Variants in CD22 observed in about 807,000 individuals in gnomAD.
The protein encoded by CD22 is B-cell receptor CD22.
In CD22, 51 loss-of-function variants were observed where a neutral mutation model predicts 94.7. The observed-to-expected ratio is 0.54, with a 90% CI of 0.43 to 0.68. The LOEUF (loss-of-function observed/expected upper bound fraction) is 0.68, where lower values mean the gene tolerates loss of function less well. Among genes scored for constraint, CD22 ranks in the 30% least tolerant of loss-of-function variants. The pLI is 0.00. For synonymous variants in CD22, 424 were observed against 422.5 expected, an observed-to-expected ratio of 1.00 and a Z score of -0.04; for missense variants, 931 against 1,060.4, an observed-to-expected ratio of 0.88 and a Z score of 1.69.
chr19:35,332,646 C>T lies in CD22; in HGVS notation c.134C>T (p.Thr45Ile). Residue 45 changes from threonine (T) to isoleucine (I), a missense_variant, in exon 3 of 14, where the codon ACC becomes ATC. By Grantham distance (89) the Thr-to-Ile change is moderately conservative. Transcript: ENST00000085219. ...GGGGCCTGCGTCTGGATCCCCTGCACCTACAGAGCCCTAGATGGTGACCTG... is the reference window on the plus strand; with the variant it reads ...GGGGCCTGCGTCTGGATCCCCTGCATCTACAGAGCCCTAGATGGTGACCTG... ...WEGACVWIPC[T>I]YRALDGDLES... is the part of the protein sequence containing the mutation. 1 of 1,614,068 alleles carries T rather than the reference C, an allele frequency of 6.2e-7. No homozygotes were observed. The highest frequency in any genetic ancestry group is 1.3e-5 in the African/African-American group (1 of 74,980).
intron 3 of CD22, chr19:35,333,189 A>C: frequency 2.1e-6 from 1 of 479,242 alleles, no homozygotes; most frequent in Non-Finnish European, 3.7e-6. Context: ...CTTTCTCACC[A>C]TGTATTTTTC....
intron 2 of CD22, 91 bp downstream of exon 2, chr19:35,332,165 A>G: frequency 2.7e-6 from 4 of 1,467,840 alleles, no homozygotes; most frequent in Non-Finnish European, 2.9e-6. Context: ...AGGCGTCAAC[A>G]TAGGGTAGGG....
chr19:35,340,075 A>G (rs2066784887), intron 6 of CD22, among the ~76,000 whole-genome samples: 1 of 152,158 alleles, frequency 6.6e-6, no homozygotes, highest in South Asian at 2.1e-4. Flanking sequence ...CGATCCTTGG[A>G]CCCTGAGATG....
At position 35,346,153 on chromosome 19, in the gene CD22, A is replaced by T. The variant is rs1422794901; in HGVS notation, c.2330A>T (p.Asp777Val). Residue 777 changes from aspartate (D) to valine (V), a missense_variant and splice_region_variant, in exon 13 of 14, where the codon GAT (aspartate) becomes GTT (valine). Asp to Val is a radical substitution (Grantham distance 152). Coordinates refer to ENST00000085219, the MANE Select transcript of CD22 (RefSeq NM_001771.4). Reference sequence around the variant, plus strand: ...CGTCTATCTGCCCTGTCTCTCAGAGATGCAGAGTCCTCAGAGATGCAGAGA... The same window carrying T: ...CGTCTATCTGCCCTGTCTCTCAGAGTTGCAGAGTCCTCAGAGATGCAGAGA... ...FPEMNIPRTG[D>V]AESSEMQRPP... 1 of 1,611,668 alleles carries T rather than the reference A, an allele frequency of 6.2e-7. No homozygotes were observed. Among genetic ancestry groups the T allele is most frequent in the Non-Finnish European group, 8.5e-7 (1 of 1,177,998 alleles).
At position 35,332,943 on chromosome 19, in the gene CD22, G is replaced by T. The variant is rs763916938; in HGVS notation, c.412+19G>T. 3 of 1,608,158 alleles carry T rather than the reference G, an allele frequency of 1.9e-6. No individual in the cohort carries two copies. Among genetic ancestry groups the T allele is most frequent in the African/African-American group, 1.3e-5 (1 of 74,806 alleles). On this transcript the variant is annotated intron_variant, in intron 3 of 13. Transcript: ENST00000085219. The stretch of plus-strand genomic sequence containing the variant: ...GTCTCTGGTAAGGCCTTCGGGGAGC[G>T]GGTCCTCTGCTCTGGGCAGGGGTGA...
chr19:35,346,109 G>A (rs772254318), intron 12 of CD22, 42 bp from the exon 13 acceptor site: 1 of 1,461,956 alleles, frequency 6.8e-7, no homozygotes, highest in Non-Finnish European at 9.6e-7. Flanking sequence ...GAGTTCGTGG[G>A]AGATGCTTCA....
At chr19:35,343,444 C>T (rs183971699) in intron 9 of CD22, among the ~76,000 whole-genome samples, 7 of 152,318 alleles carry the variant, frequency 4.6e-5, no homozygotes, top group African/African-American at 1.7e-4. Flanking sequence ...ACGCACAATT[C>T]ACACACAGAG....
chr19:35,344,887 C>A lies in CD22; in HGVS notation c.2094C>A (p.Ile698=), dbSNP rs1156521015. The A allele has an allele frequency of 1.2e-6, 2 of 1,614,010 alleles. No homozygotes were observed. The highest frequency in any genetic ancestry group is 1.7e-6 in the Non-Finnish European group (2 of 1,179,994). Residue 698 remains isoleucine, a synonymous_variant, in exon 10 of 14, where the codon ATC becomes ATA. Transcript: ENST00000085219. ...VAVGLGSCLA[I]LILAICGLKL... The stretch of plus-strand genomic sequence containing the variant: ...TGGGACTCGGGTCCTGCCTCGCCAT[C>A]CTCATCCTGGCAATCTGTGGGCTCA...
intron 2 of CD22, 134 bp from the exon 3 acceptor site, chr19:35,332,413 G>T: frequency 1.0e-6 from 1 of 991,012 alleles, no homozygotes. Context: ...GGAGTTCAAG[G>T]CCAGCTTGGA....
intron 6 of CD22, among the ~76,000 whole-genome samples, chr19:35,340,394 T>G (rs1309883940): frequency 2.0e-5 from 3 of 152,164 alleles, no homozygotes; most frequent in Non-Finnish European, 4.4e-5. Flanking sequence ...GCGATTCTCT[T>G]GCCTCGACCA....
chr19:35,332,796 TG>T lies in CD22; in HGVS notation c.287del (p.Gly96GlufsTer9). 2 of 1,614,198 alleles carry T rather than the reference TG, an allele frequency of 1.2e-6. No individual in the cohort carries two copies. Among genetic ancestry groups the T allele is most frequent in the Non-Finnish European group, 1.7e-6 (2 of 1,180,030 alleles). On this transcript the variant is annotated frameshift_variant, in exon 3 of 14. Transcript: ENST00000085219. LOFTEE classifies it high-confidence loss of function. ...TCTGAGCAGAAAAGGGTGCAATTCCTGGGAGACAAGAATAAGAACTGCACAC... is the reference window on the plus strand; with the variant it reads ...TCTGAGCAGAAAAGGGTGCAATTCCTGGAGACAAGAATAAGAACTGCACAC... ...VPSEQKRVQF[L>X]GDKNKNCTLS...
chr19:35,346,324 G>T, intron 13 of CD22, 89 bp downstream of exon 13: 1 of 1,235,586 alleles, frequency 8.1e-7, no homozygotes, highest in South Asian at 1.2e-5. Context: ...ACATAGGAAG[G>T]AGTTGGGTAG....
chr19:35,345,783 T>TC, intron 12 of CD22, 63 bp downstream of exon 12: 6 of 1,154,622 alleles, frequency 5.2e-6, no homozygotes, highest in Non-Finnish European at 6.5e-6. Flanking sequence ...AAAAGCTCTG[T>TC]CCCGCCTGCC....
At chr19:35,331,855 AG>A in intron 1 of CD22, 163 bp from the exon 2 acceptor site, 1 of 1,422,350 alleles carries the variant, frequency 7.0e-7, no homozygotes, top group Non-Finnish European at 9.3e-7. Flanking sequence ...TCAAAAAAAA[AG>A]AAAGAACTCC....
At chr19:35,334,640 G>A (rs769501380) in intron 3 of CD22, among the ~76,000 whole-genome samples, 26 of 152,156 alleles carry the variant, frequency 1.7e-4, no homozygotes, top group Non-Finnish European at 3.5e-4. Flanking sequence ...GCCTTGGGGA[G>A]AGCTGAGGCT....
Position 35,336,394 on chromosome 19 carries a change from C to T in CD22, c.718+53C>T, listed in dbSNP as rs1370950349. On this transcript the variant is annotated intron_variant, in intron 4 of 13. Coordinates refer to ENST00000085219, the MANE Select transcript of CD22 (RefSeq NM_001771.4). Reference sequence around the variant, plus strand: ...AGGGCAAGGTCTGTGTCACCTTCTCCCCAGCCCCGCAGGGGGCATGCACCC... The same window carrying T: ...AGGGCAAGGTCTGTGTCACCTTCTCTCCAGCCCCGCAGGGGGCATGCACCC... The T allele has an allele frequency of 2.6e-6, 4 of 1,557,962 alleles. No individual in the cohort carries two copies. The African/African-American group carries it at 4.1e-5, about 16-fold the overall frequency.
chr19:35,344,611 G>A (rs2066872193), intron 9 of CD22: 1 of 539,818 alleles, frequency 1.9e-6, no homozygotes, highest in Non-Finnish European at 3.3e-6. Context: ...CCACGTCTGT[G>A]GGAAAAGCAG....
In CD22 at chr19:35,341,342, G is replaced by A; in HGVS notation, c.1508-1G>A. On this transcript the variant is annotated splice_acceptor_variant, in intron 7 of 13. Coordinates refer to ENST00000085219, the MANE Select transcript of CD22 (RefSeq NM_001771.4). LOFTEE classifies it high-confidence loss of function. This position sits in a 1 kb window ranked among gnomAD's most constrained non-coding sequence, Gnocchi z 4.0. ...GTCAGCTTGGGACCCTTGCCCTCCA[G>A]ATGCCCCCCGAGACGTGAGGGTCCG... The A allele has an allele frequency of 6.2e-7, 1 of 1,612,976 alleles. No homozygotes were observed. The highest frequency in any genetic ancestry group is 8.5e-7 in the Non-Finnish European group (1 of 1,179,246).
At chr19:35,342,039 TTCCTTCCTTCCTTC>T in intron 9 of CD22, 74 bp downstream of exon 9, 9 of 1,113,604 alleles carry the variant, frequency 8.1e-6, no homozygotes, top group South Asian at 1.7e-5. Flanking sequence ...CCTTCCTTCC[TTCCTTCCTTCCTTC>T]CTTTCTTTCT....
Sources: allele counts gnomAD v4.1 joint callset (sites outside exome capture counted in the v4.1 genomes callset), GRCh38; gene constraint gnomAD v4.1.1; non-coding constraint Gnocchi (gnomAD v3.1); transcripts MANE v1.5; gene names NCBI Gene and HGNC (gene_info 2026-07-23, HGNC 2026-07-21).